Variants in AKAP13 observed in about 807,000 individuals in gnomAD.
The protein encoded by AKAP13 is A-kinase anchor protein 13.
In AKAP13, 80 loss-of-function variants were observed where a neutral mutation model predicts 264.5. The observed-to-expected ratio is 0.30, with a 90% CI of 0.25 to 0.36. The LOEUF (loss-of-function observed/expected upper bound fraction) is 0.36. Ranked by LOEUF, AKAP13 falls within the 10% of genes least tolerant of loss-of-function variation. The pLI is 1.00. For missense variants in AKAP13, 3,712 were observed against 3,435.2 expected (o/e 1.08, Z -2.01); for synonymous variants, 1,380 against 1,250.2 (o/e 1.10, Z -2.19).
chr15:85,677,104 T>C (rs2084268126), intron 14 of AKAP13: 2 of 985,312 alleles, frequency 2.0e-6, no homozygotes, highest in Non-Finnish European at 2.4e-6. Flanking sequence ...GCATAGTAAG[T>C]AAGCAACTTT....
At chr15:85,719,451 T>A in intron 23 of AKAP13, 125 bp downstream of exon 23, 2 of 1,283,896 alleles carry the variant, frequency 1.6e-6, no homozygotes, top group Non-Finnish European at 2.1e-6. Context: ...AGGGAACTTA[T>A]TTAATTTCTC....
intron 1 of AKAP13, among the ~76,000 whole-genome samples, chr15:85,466,550 C>T (rs1486225633): frequency 1.3e-5 from 2 of 152,172 alleles, no homozygotes; most frequent in Non-Finnish European, 2.9e-5. Context: ...AGGAAGGGAT[C>T]CAGTTTCAGC....
chr15:85,597,619 A>T (rs1725670877), intron 8 of AKAP13, among the ~76,000 whole-genome samples: 1 of 152,152 alleles, frequency 6.6e-6, no homozygotes, highest in Admixed American at 6.5e-5. Flanking sequence ...GTGACTCTGC[A>T]GTACTTCCTT....
chr15:85,404,299 C>A (rs1400523757), intron 1 of AKAP13, among the ~76,000 whole-genome samples: 1 of 152,184 alleles, frequency 6.6e-6, no homozygotes, highest in Non-Finnish European at 1.5e-5. Flanking sequence ...GGTCGTATCA[C>A]TGCCCCATTT....
intron 1 of AKAP13, among the ~76,000 whole-genome samples, chr15:85,381,256 A>G (rs1443256653): frequency 2.0e-5 from 3 of 151,934 alleles, no homozygotes; most frequent in African/African-American, 7.2e-5. Context: ...CGCGCCGTGA[A>G]CAAGTGCTGC....
At chr15:85,664,876 T>C in intron 13 of AKAP13, 121 bp downstream of exon 13, 1 of 935,736 alleles carries the variant, frequency 1.1e-6, no homozygotes, top group Non-Finnish European at 1.5e-6. Flanking sequence ...TATGATATAC[T>C]TAATCTAGCA....
chr15:85,454,296 A>C (rs1203450117), intron 1 of AKAP13, among the ~76,000 whole-genome samples: 1 of 152,156 alleles, frequency 6.6e-6, no homozygotes, highest in East Asian at 1.9e-4. Context: ...GTCAGACTGA[A>C]GACTGCAGGC....
At chr15:85,684,709 T>C in intron 15 of AKAP13, 32 bp from the exon 16 acceptor site, 1 of 1,586,874 alleles carries the variant, frequency 6.3e-7, no homozygotes, top group South Asian at 1.1e-5. Context: ...TGTAGCCCTT[T>C]AAAAAAAATC....
rs534951379 is a variant in AKAP13 at position 85,718,649 on chromosome 15, C to A, written c.6002-427C>A. On this transcript the variant is annotated intron_variant, in intron 22 of 36. Transcript: ENST00000394518. The surrounding 1 kb of genome is among the most constrained non-coding windows in gnomAD (Gnocchi z 4.9). ...AGGCTCAGCGGCTCATACCTGTAAT[C>A]CCAGCACTCTGGGAGGCTGAGGCGG... Among the ~76,000 whole-genome samples, 27 of 152,156 alleles carry A rather than the reference C, an allele frequency of 1.8e-4. No homozygotes were observed. The highest frequency in any genetic ancestry group is 5.9e-4 in the Admixed American group (9 of 15,274).
chr15:85,439,364 T>C (rs1309990384), intron 1 of AKAP13, among the ~76,000 whole-genome samples: 2 of 151,294 alleles, frequency 1.3e-5, no homozygotes, highest in African/African-American at 4.9e-5. Context: ...ACTTTTACAC[T>C]GTTGGTGGGA....
chr15:85,720,607 G>A (rs1011647549), intron 23 of AKAP13, among the ~76,000 whole-genome samples: 5 of 152,174 alleles, frequency 3.3e-5, no homozygotes, highest in Non-Finnish European at 7.3e-5. Flanking sequence ...ATCTGACTAG[G>A]TATTTCCCCA....
chr15:85,419,220 A>T (rs778830105), intron 1 of AKAP13, among the ~76,000 whole-genome samples: 1 of 152,224 alleles, frequency 6.6e-6, no homozygotes, highest in Admixed American at 6.5e-5. Flanking sequence ...GTACTTTGCA[A>T]ACTTCTTTGT....
At chr15:85,567,947 T>TGTGG (rs2078667308) in intron 5 of AKAP13, among the ~76,000 whole-genome samples, 1 of 102,768 alleles carries the variant, frequency 9.7e-6, no homozygotes, top group Admixed American at 1.0e-4. Flanking sequence ...AAGAGGTGTG[T>TGTGG]GTGTGTGTGT....
intron 26 of AKAP13, among the ~76,000 whole-genome samples, chr15:85,725,878 G>C (rs781141176): frequency 7.2e-5 from 11 of 152,182 alleles, no homozygotes; most frequent in Non-Finnish European, 1.3e-4. Context: ...GCCTGCCTGT[G>C]TGGCCACTCT....
At chr15:85,523,222 A>G (rs1280315499) in intron 3 of AKAP13, among the ~76,000 whole-genome samples, 2 of 152,086 alleles carry the variant, frequency 1.3e-5, no homozygotes, top group Non-Finnish European at 2.9e-5. Context: ...TCTGCTTATC[A>G]CATATGAGAT....
intron 1 of AKAP13, among the ~76,000 whole-genome samples, chr15:85,405,504 T>A (rs13380121): frequency 0.96 from 146,875 of 152,362 alleles, 70,848 homozygotes; most frequent in South Asian, 0.98. Flanking sequence ...TTGGCAAAGG[T>A]TGAAGGAAAC....
chr15:85,585,881 G>A lies in AKAP13; in HGVS notation c.4161+58G>A, dbSNP rs191890961. On this transcript the variant is annotated intron_variant, in intron 8 of 36. Transcript: ENST00000394518. ...AAATGTGTTTATCCTGTTCTGCTGT[G>A]TCTTATTTATGGCTTTGTCTTTTAT... 2.4e-4 allele frequency: 376 copies of A among 1,587,034 alleles called. 5 individuals are homozygous for A. In the South Asian group the frequency reaches 3.7e-3, roughly 16 times the overall value.
In AKAP13 at chr15:85,579,698, GA is replaced by G; in HGVS notation, c.1631del (p.Asp544ValfsTer39). 1 of 1,614,176 alleles carries G rather than the reference GA, an allele frequency of 6.2e-7. No homozygotes were observed. The highest frequency in any genetic ancestry group is 2.2e-5 in the East Asian group (1 of 44,884). On this transcript the variant is annotated frameshift_variant, in exon 7 of 37. Transcript: ENST00000394518. LOFTEE classifies it high-confidence loss of function. ...PNCAPAASSL[D>X]GNKPAESSLA... Reference sequence around the variant, plus strand: ...CTGTGCCCCTGCTGCCAGTTCCCTGGATGGTAACAAACCTGCTGAGTCTTCA... The same window carrying G: ...CTGTGCCCCTGCTGCCAGTTCCCTGGTGGTAACAAACCTGCTGAGTCTTCA...
chr15:85,532,307 C>G lies in AKAP13; in HGVS notation c.182-1277C>G, dbSNP rs371483391. Among the ~76,000 whole-genome samples the G allele has an allele frequency of 3.6e-4, 55 of 152,368 alleles. 1 individual carries two copies. The South Asian group carries it at 4.8e-3, about 13-fold the overall frequency. ...TGATTACATGGAAGAAACATTGTCT[C>G]TTTCAAAGACAGCAGAAAGCTTAGT... On this transcript the variant is annotated intron_variant, in intron 3 of 36. Coordinates refer to ENST00000394518, the MANE Select transcript of AKAP13 (RefSeq NM_007200.5).
Sources: allele counts gnomAD v4.1 joint callset (sites outside exome capture counted in the v4.1 genomes callset), GRCh38; gene constraint gnomAD v4.1.1; non-coding constraint Gnocchi (gnomAD v3.1); transcripts MANE v1.5; gene names NCBI Gene and HGNC (gene_info 2026-07-23, HGNC 2026-07-21).